SLTM: variants seen among roughly 807,000 people sequenced by gnomAD.
SLTM encodes SAFB-like transcription modulator.
In SLTM, 43 loss-of-function variants were observed where a neutral mutation model predicts 134.6. The observed-to-expected ratio is 0.32, with a 90% CI of 0.25 to 0.41. SLTM has a LOEUF of 0.41. Ranked by LOEUF, SLTM falls within the 10% of genes least tolerant of loss-of-function variation. The pLI is 1.00. For synonymous variants in SLTM, 424 were observed against 432.3 expected, an observed-to-expected ratio of 0.98 and a Z score of 0.24; for missense variants, 1,055 against 1,288.8, an observed-to-expected ratio of 0.82 and a Z score of 2.78.
intron 19 of SLTM, among the ~76,000 whole-genome samples, chr15:58,884,422 G>A (rs1363700876): frequency 2.6e-5 from 4 of 152,002 alleles, no homozygotes; most frequent in Non-Finnish European, 4.4e-5. Context: ...GGATTCAAGC[G>A]ATTCTCCTGC....
rs16940891 is a variant in SLTM at position 58,885,436 on chromosome 15, C to G, written c.2835+1539G>C. 5.5e-3 allele frequency among the ~76,000 whole-genome samples: 839 copies of G among 152,278 alleles called. 6 individuals carry two copies. Among genetic ancestry groups the G allele is most frequent in the African/African-American group, 0.019 (804 of 41,550 alleles). On this transcript the variant is annotated intron_variant, in intron 19 of 20. Transcript: ENST00000380516. ...GGACCTCTGAATGCGGAGGGCTAGT[C>G]TTTGATACTTAAATTTTACTATAAA...
intron 5 of SLTM, among the ~76,000 whole-genome samples, chr15:58,909,858 A>G (rs1416243904): frequency 6.6e-6 from 1 of 152,380 alleles, no homozygotes; most frequent in Middle Eastern, 3.4e-3. Context: ...GGCAAACTAC[A>G]TGAGATGCCT....
At chr15:58,905,522 G>C (rs1224927447) in intron 5 of SLTM, among the ~76,000 whole-genome samples, 1 of 151,990 alleles carries the variant, frequency 6.6e-6, no homozygotes, top group Admixed American at 6.5e-5. Context: ...GGGCAACCTA[G>C]TAAAACCCTA....
At chr15:58,881,875 G>A (rs930933928) in intron 20 of SLTM, among the ~76,000 whole-genome samples, 2 of 151,936 alleles carry the variant, frequency 1.3e-5, no homozygotes, top group Non-Finnish European at 2.9e-5. Flanking sequence ...GGGATTACAG[G>A]CATGAGCCAC....
chr15:58,932,533 G>T, intron 1 of SLTM, 90 bp from the exon 2 acceptor site: 1 of 870,144 alleles, frequency 1.1e-6, no homozygotes, highest in Non-Finnish European at 1.8e-6. Flanking sequence ...CAAACCTCAA[G>T]CCTCAAGACA....
chr15:58,879,994 C>T lies in SLTM; in HGVS notation c.*5G>A. 1 of 1,612,862 alleles carries T rather than the reference C, an allele frequency of 6.2e-7. No homozygotes were observed. Among genetic ancestry groups the T allele is most frequent in the Non-Finnish European group, 8.5e-7 (1 of 1,179,542 alleles). ...TATCTTAAAACCTTGGCAGAGAGCT[C>T]ATTTTCAGAATCGTCGCGGAGGTCC... On this transcript the variant is annotated 3_prime_UTR_variant, in exon 21 of 21. Coordinates refer to ENST00000380516, the MANE Select transcript of SLTM (RefSeq NM_024755.4).
chr15:58,905,265 C>G (rs2141067064), intron 5 of SLTM, among the ~76,000 whole-genome samples: 1 of 152,322 alleles, frequency 6.6e-6, no homozygotes, highest in African/African-American at 2.4e-5. Flanking sequence ...TAGACAGAGA[C>G]AGCAAGGAAA....
At chr15:58,881,155 A>G (rs1044612421) in intron 20 of SLTM, among the ~76,000 whole-genome samples, 3 of 151,234 alleles carry the variant, frequency 2.0e-5, no homozygotes, top group East Asian at 2.0e-4. Context: ...GATCATGCCA[A>G]TGCACCCCAG....
chr15:58,886,693 C>T (rs1028821724), intron 19 of SLTM, among the ~76,000 whole-genome samples: 40 of 152,172 alleles, frequency 2.6e-4, no homozygotes, highest in African/African-American at 9.2e-4. Context: ...GATAGGCTCA[C>T]TTACCAAATT....
At chr15:58,912,157 T>C (rs1333510568) in intron 5 of SLTM, among the ~76,000 whole-genome samples, 1 of 150,206 alleles carries the variant, frequency 6.7e-6, no homozygotes, top group African/African-American at 2.5e-5. Flanking sequence ...TGGAGTGCAG[T>C]GGTGCAATCT....
At chr15:58,903,524 G>A (rs2035637204) in intron 5 of SLTM, among the ~76,000 whole-genome samples, 1 of 138,460 alleles carries the variant, frequency 7.2e-6, no homozygotes, top group Non-Finnish European at 1.5e-5. Context: ...CTGGAATGAG[G>A]CTTAAGAATG....
intron 11 of SLTM, 31 bp downstream of exon 11, chr15:58,894,059 T>C (rs2034878450): frequency 6.3e-7 from 1 of 1,593,322 alleles, no homozygotes; most frequent in Non-Finnish European, 8.5e-7. Context: ...TATCTGCTTA[T>C]CAAAATAAAT....
chr15:58,932,302 G>A (rs2037933885), intron 2 of SLTM, 54 bp downstream of exon 2: 1 of 1,309,828 alleles, frequency 7.6e-7, no homozygotes, highest in Non-Finnish European at 1.1e-6. Context: ...CAAGAGCAGA[G>A]GCAAGTTATA....
chr15:58,917,418 ATT>A (rs2036725254), intron 2 of SLTM, among the ~76,000 whole-genome samples: 2 of 152,240 alleles, frequency 1.3e-5, no homozygotes, highest in Admixed American at 6.5e-5. Flanking sequence ...TTCAACAAGC[ATT>A]CTCTGAAATA....
At position 58,899,796 on chromosome 15, in the gene SLTM, G is replaced by A. The variant is rs1348681671; in HGVS notation, c.731C>T (p.Ser244Leu). 5 of 1,614,042 alleles carry A rather than the reference G, an allele frequency of 3.1e-6. No homozygotes were observed. The highest frequency in any genetic ancestry group is 1.7e-5 in the Admixed American group (1 of 60,000). The change falls in exon 7 of 21, where the codon TCG becomes TTG. Residue 244 changes from serine (S) to leucine (L), a missense_variant. Ser to Leu is a moderately radical substitution (Grantham distance 145). Coordinates refer to ENST00000380516, the MANE Select transcript of SLTM (RefSeq NM_024755.4). The surrounding 1 kb of genome is among the most constrained non-coding windows in gnomAD (Gnocchi z 5.0). ...TVKEAEDDNI[S>L]VTIQAEDAIT... ...GGCATCTTCAGCCTGGATTGTGACC[G>A]AGATGTTGTCATCCTCAGCTTCTTT...
At chr15:58,905,022 T>G (rs1221264184) in intron 5 of SLTM, among the ~76,000 whole-genome samples, 2 of 152,148 alleles carry the variant, frequency 1.3e-5, no homozygotes, top group African/African-American at 4.8e-5. Flanking sequence ...TTTTGTATTT[T>G]TAGTAGAGAT....
Position 58,887,842 on chromosome 15 carries a change from G to C in SLTM, c.2376-302C>G, listed in dbSNP as rs187558746. ...TTGAGGCATATCCAAAGCAATCAGT[G>C]CTTCCACAGTTTTAAAGATAAGAAG... On this transcript the variant is annotated intron_variant, in intron 17 of 20. Transcript: ENST00000380516. Among the ~76,000 whole-genome samples the C allele has an allele frequency of 2.8e-3, 430 of 152,246 alleles. 1 individual carries two copies. The highest frequency in any genetic ancestry group is 3.6e-3 in the Non-Finnish European group (243 of 68,020).
In SLTM at chr15:58,879,428, T is replaced by C. The variant is rs2140906106; in HGVS notation, c.*571A>G. On this transcript the variant is annotated 3_prime_UTR_variant, in exon 21 of 21. Coordinates refer to ENST00000380516, the MANE Select transcript of SLTM (RefSeq NM_024755.4). ...AAAAGGTTCTCAACACTTTAGCAAC[T>C]ATACAGAATATGAAGGTTTATTTCA... 6.5e-6 allele frequency: 1 copy of C among 152,810 alleles called. No homozygotes were observed. Among genetic ancestry groups the C allele is most frequent in the Admixed American group, 6.5e-5 (1 of 15,304 alleles). 9.5% of individuals were successfully genotyped at this position (152,810 alleles called of 1,614,324 possible). A position where few individuals can be genotyped will look rare whatever the true frequency, so the allele number is the denominator to read the frequency against.
intron 3 of SLTM, among the ~76,000 whole-genome samples, chr15:58,914,154 T>C (rs148411074): frequency 6.6e-6 from 1 of 152,236 alleles, no homozygotes; most frequent in Non-Finnish European, 1.5e-5. Context: ...TGCAAATAAC[T>C]AATTGAAATG....
Sources: gnomAD v4.1 joint callset for allele counts (sites outside exome capture counted in the v4.1 genomes callset) on GRCh38, gnomAD v4.1.1 for gene constraint, Gnocchi (gnomAD v3.1) non-coding constraint, MANE v1.5 for transcripts, NCBI Gene and HGNC (gene_info 2026-07-23, HGNC 2026-07-21) for gene names.